Variants in CRISP1 observed in about 807,000 individuals in gnomAD.
CRISP1 encodes cysteine rich secretory protein 1.
In CRISP1, 44 loss-of-function variants were observed where a neutral mutation model predicts 33.1. The observed-to-expected ratio is 1.33, with a 90% CI of 1.05 to 1.71. The LOEUF (loss-of-function observed/expected upper bound fraction) is 1.71, where lower values mean the gene tolerates loss of function less well. CRISP1 is among the 40% of genes most tolerant of loss of function. CRISP1 has a pLI of 0.00. For synonymous variants in CRISP1, 103 were observed against 98.7 expected (o/e 1.04, Z -0.26); for missense variants, 390 against 301.2 (o/e 1.29, Z -2.18).
Position 49,835,287 on chromosome 6 carries a change from A to G in CRISP1, c.*29T>C, listed in dbSNP as rs1283825202. On this transcript the variant is annotated 3_prime_UTR_variant, in exon 8 of 8. Coordinates refer to ENST00000335847, the MANE Select transcript of CRISP1 (RefSeq NM_001131.3). Reference sequence around the variant, plus strand: ...ACAGACATCTCCTCCTCATCGTCACAGCATAGAACAGTTGAAAATAACAAA... The same window carrying G: ...ACAGACATCTCCTCCTCATCGTCACGGCATAGAACAGTTGAAAATAACAAA... The G allele has an allele frequency of 1.9e-6, 3 of 1,606,600 alleles. No homozygotes were observed. The highest frequency in any genetic ancestry group is 1.1e-5 in the South Asian group (1 of 89,756).
intron 1 of CRISP1, among the ~76,000 whole-genome samples, chr6:49,860,188 C>T (rs1278558771): frequency 1.3e-5 from 2 of 151,984 alleles, no homozygotes; most frequent in Non-Finnish European, 2.9e-5. Flanking sequence ...CTTCAACACC[C>T]CACTCTCAGC....
intron 1 of CRISP1, among the ~76,000 whole-genome samples, chr6:49,872,913 T>A (rs922057525): frequency 1.3e-5 from 2 of 151,920 alleles, no homozygotes; most frequent in African/African-American, 4.8e-5. Context: ...TGAACTTTAA[T>A]GTAGTTTTTT....
In CRISP1 at chr6:49,840,947, G is replaced by A. The variant is rs753794248; in HGVS notation, c.484C>T (p.Arg162Cys). Reference sequence around the variant, plus strand: ...AGATATCGAGGTGATCCTTGTTGGCGGCAAGATGCAATGGCACAGCCAATC... The same window carrying A: ...AGATATCGAGGTGATCCTTGTTGGCAGCAAGATGCAATGGCACAGCCAATC... ...YLIGCAIASC[R>C]QQGSPRYLYV... is the part of the protein sequence containing the mutation. The change falls in exon 6 of 8, where the codon CGC becomes TGC. Residue 162 changes from arginine (R) to cysteine (C), a missense_variant. By Grantham distance (180) the Arg-to-Cys change is radical (BLOSUM62 -3). Coordinates refer to ENST00000335847, the MANE Select transcript of CRISP1 (RefSeq NM_001131.3). 5.8e-5 allele frequency: 93 copies of A among 1,613,750 alleles called. No individual in the cohort carries two copies. Among genetic ancestry groups the A allele is most frequent in the East Asian group, 2.2e-4 (10 of 44,878 alleles).
upstream of CRISP1, among the ~76,000 whole-genome samples, chr6:49,866,732 T>A (rs7757933): frequency 0.16 from 23,748 of 152,116 alleles, 2,152 homozygotes; most frequent in African/African-American, 0.23. Context: ...CCCTGGGAAC[T>A]AACTGCAAAG....
At chr6:49,867,238 A>G (rs1327417724), upstream of CRISP1, among the ~76,000 whole-genome samples, 1 of 152,128 alleles carries the variant, frequency 6.6e-6, no homozygotes, top group Non-Finnish European at 1.5e-5. Context: ...ACAGACAGAA[A>G]TCACATATGA....
chr6:49,842,686 G>A (rs1771033570), intron 5 of CRISP1, among the ~76,000 whole-genome samples: 3 of 151,978 alleles, frequency 2.0e-5, no homozygotes, highest in Admixed American at 2.0e-4. Context: ...TCTGCTACTT[G>A]CCCTTCCCTG....
chr6:49,863,022 G>C (rs1424320292), intron 1 of CRISP1, among the ~76,000 whole-genome samples: 4 of 152,040 alleles, frequency 2.6e-5, no homozygotes, highest in Non-Finnish European at 4.4e-5. Context: ...ACAGATTTTG[G>C]GCCTTGGGAT....
intron 1 of CRISP1, among the ~76,000 whole-genome samples, chr6:49,872,281 T>C (rs555340990): frequency 5.3e-5 from 8 of 151,962 alleles, no homozygotes; most frequent in African/African-American, 1.7e-4. Flanking sequence ...TTTGAGTTCA[T>C]TGTAGATTCT....
intron 1 of CRISP1, among the ~76,000 whole-genome samples, chr6:49,875,185 A>G (rs1772010038): frequency 6.6e-6 from 1 of 151,938 alleles, no homozygotes; most frequent in African/African-American, 2.4e-5. Flanking sequence ...GAAGATTCCT[A>G]AACTAATAAA....
intron 1 of CRISP1, among the ~76,000 whole-genome samples, chr6:49,864,954 G>C (rs2127478153): frequency 6.6e-6 from 1 of 151,202 alleles, no homozygotes; most frequent in African/African-American, 2.5e-5. Context: ...TGCATGTGTT[G>C]GCATGTGTGT....
At chr6:49,846,389 A>T in intron 5 of CRISP1, 131 bp downstream of exon 5, 1 of 927,000 alleles carries the variant, frequency 1.1e-6, no homozygotes, top group South Asian at 1.8e-5. Flanking sequence ...TTCAAATTAT[A>T]AGAGGAACTC....
upstream of CRISP1, among the ~76,000 whole-genome samples, chr6:49,871,005 G>C (rs141728680): frequency 3.7e-3 from 569 of 152,154 alleles, 5 homozygotes; most frequent in African/African-American, 0.013. Flanking sequence ...GGAGGCTGAG[G>C]CATGAGAATC....
At chr6:49,865,077 C>T (rs1343160132) in intron 1 of CRISP1, among the ~76,000 whole-genome samples, 1 of 152,110 alleles carries the variant, frequency 6.6e-6, no homozygotes, top group Non-Finnish European at 1.5e-5. Flanking sequence ...GTAGGATTTA[C>T]AATACCAAGT....
At chr6:49,868,714 C>T (rs1007382642), upstream of CRISP1, among the ~76,000 whole-genome samples, 1 of 152,110 alleles carries the variant, frequency 6.6e-6, no homozygotes, top group Non-Finnish European at 1.5e-5. Context: ...TGAACTCTTA[C>T]CTACAACAAT....
chr6:49,866,688 A>G (rs1771806628), upstream of CRISP1, among the ~76,000 whole-genome samples: 1 of 152,298 alleles, frequency 6.6e-6, no homozygotes, highest in African/African-American at 2.4e-5. Flanking sequence ...CCAAGGCAAC[A>G]TCATCAATGG....
At chr6:49,853,611 T>A (rs966079055) in intron 2 of CRISP1, among the ~76,000 whole-genome samples, 1 of 152,196 alleles carries the variant, frequency 6.6e-6, no homozygotes. Context: ...CCTGCCTGAT[T>A]GGAATTTCCT....
intron 3 of CRISP1, among the ~76,000 whole-genome samples, chr6:49,851,682 T>C (rs1356510041): frequency 6.6e-6 from 1 of 152,144 alleles, no homozygotes; most frequent in Non-Finnish European, 1.5e-5. Flanking sequence ...ACCTCATGAA[T>C]CAGGATATCA....
chr6:49,839,298 AAAATTAG>A, intron 6 of CRISP1, among the ~76,000 whole-genome samples: 1 of 146,852 alleles, frequency 6.8e-6, no homozygotes, highest in East Asian at 1.9e-4. Flanking sequence ...AAAAAAAAAA[AAAATTAG>A]TTAGGCCTGG....
chr6:49,858,368 G>A (rs1771551224), intron 1 of CRISP1, among the ~76,000 whole-genome samples: 1 of 152,076 alleles, frequency 6.6e-6, no homozygotes, highest in Admixed American at 6.6e-5. Context: ...TGTGTGAGAA[G>A]CAAAAAAGGC....
Sources: allele counts gnomAD v4.1 joint callset (sites outside exome capture counted in the v4.1 genomes callset), GRCh38; gene constraint gnomAD v4.1.1; transcripts MANE v1.5; gene names NCBI Gene and HGNC (gene_info 2026-07-23, HGNC 2026-07-21).